The following MOXD1 variants were observed in gnomAD, a reference collection of about 807,000 sequenced individuals.
The protein encoded by MOXD1 is DBH-like monooxygenase protein 1.
In MOXD1, 62 loss-of-function variants were observed where a neutral mutation model predicts 66.6. The ratio of observed to expected loss-of-function variants is 0.93; its 90% CI spans 0.76 to 1.15. The LOEUF (loss-of-function observed/expected upper bound fraction) is 1.15. Ranked by LOEUF, MOXD1 falls within the 50% of genes most tolerant of loss-of-function variation. MOXD1 has a pLI of 0.00. For synonymous variants in MOXD1, 303 were observed against 281.9 expected (o/e 1.07, Z -0.75); for missense variants, 847 against 754.6 (o/e 1.12, Z -1.44).
At chr6:132,308,046 GA>G (rs532403340) in intron 10 of MOXD1, among the ~76,000 whole-genome samples, 5 of 143,776 alleles carry the variant, frequency 3.5e-5, no homozygotes, top group African/African-American at 1.0e-4. Flanking sequence ...ATAGAAACAG[GA>G]AAAACTCTCA....
At chr6:132,392,352 C>A (rs1455250182) in intron 1 of MOXD1, 4 of 1,542,798 alleles carry the variant, frequency 2.6e-6, no homozygotes, top group Non-Finnish European at 3.5e-6. Flanking sequence ...CGATTTATAC[C>A]CCCATAAGAA....
At chr6:132,298,081 A>C in intron 10 of MOXD1, 126 bp from the exon 11 acceptor site, 1 of 638,888 alleles carries the variant, frequency 1.6e-6, no homozygotes, top group Non-Finnish European at 2.4e-6. Context: ...CCTAATGCAA[A>C]ATGTTGATGA....
chr6:132,319,648 C>T (rs1181501024), intron 9 of MOXD1, among the ~76,000 whole-genome samples: 1 of 151,422 alleles, frequency 6.6e-6, no homozygotes, highest in Admixed American at 6.6e-5. Flanking sequence ...TCTTTCTGAT[C>T]CTTATATCTC....
At chr6:132,383,742 C>T (rs1164057695) in intron 1 of MOXD1, among the ~76,000 whole-genome samples, 2 of 152,160 alleles carry the variant, frequency 1.3e-5, no homozygotes, top group Non-Finnish European at 2.9e-5. Flanking sequence ...TACTACTTTG[C>T]CTTCATCCTA....
At chr6:132,355,783 C>T (rs1260842334) in intron 4 of MOXD1, among the ~76,000 whole-genome samples, 2 of 152,214 alleles carry the variant, frequency 1.3e-5, no homozygotes, top group Admixed American at 6.5e-5. Context: ...TAAACTATAA[C>T]ATGTGCTTCT....
intron 4 of MOXD1, among the ~76,000 whole-genome samples, chr6:132,344,071 AG>A (rs1775619732): frequency 6.6e-6 from 1 of 152,248 alleles, no homozygotes; most frequent in Non-Finnish European, 1.5e-5. Flanking sequence ...AGACAATTTC[AG>A]AAAAATACAA....
chr6:132,353,606 T>C (rs1775848759), intron 4 of MOXD1, among the ~76,000 whole-genome samples: 1 of 152,294 alleles, frequency 6.6e-6, no homozygotes. Context: ...CTTTCCTTCA[T>C]CTTAACTTCA....
rs1562290029 is a variant in MOXD1, at chr6:132,349,442, TATATATATAC to T, written c.664-20858_664-20849del. Among the ~76,000 whole-genome samples the T allele has an allele frequency of 1.0e-3, 72 of 69,948 alleles. 8 individuals carry two copies. Among genetic ancestry groups the T allele is most frequent in the Non-Finnish European group, 1.5e-3 (65 of 43,086 alleles). The allele number at this position is 69,948 out of a possible 152,430, so 45.9% of individuals were successfully genotyped here. On this transcript the variant is annotated intron_variant, in intron 4 of 11. Coordinates refer to ENST00000367963, the MANE Select transcript of MOXD1 (RefSeq NM_015529.4). ...ATATACATATATATATATACATATA[TATATATATAC>T]ATATATATATATACATATATATATA...
chr6:132,303,534 G>A (rs1412634670), intron 10 of MOXD1, among the ~76,000 whole-genome samples: 3 of 151,724 alleles, frequency 2.0e-5, no homozygotes, highest in Non-Finnish European at 2.9e-5. Flanking sequence ...CAATGTAAGT[G>A]CTATGTAGAT....
Position 132,368,397 on chromosome 6 carries a change from T to C in MOXD1, c.663+4211A>G, listed in dbSNP as rs542421453. On this transcript the variant is annotated intron_variant, in intron 4 of 11. Coordinates refer to ENST00000367963, the MANE Select transcript of MOXD1 (RefSeq NM_015529.4). ...CAGTTTAAATATAAATTACCAAGAATATTCTTTTCTACAATTTCCATATTC... is the reference window on the plus strand; with the variant it reads ...CAGTTTAAATATAAATTACCAAGAACATTCTTTTCTACAATTTCCATATTC... Among the ~76,000 whole-genome samples the C allele has an allele frequency of 4.0e-4, 61 of 152,168 alleles. 2 individuals are homozygous for C. The South Asian group carries it at 0.012, about 30-fold the overall frequency.
At chr6:132,346,780 T>C (rs1037017494) in intron 4 of MOXD1, among the ~76,000 whole-genome samples, 3 of 152,214 alleles carry the variant, frequency 2.0e-5, no homozygotes, top group African/African-American at 7.2e-5. Context: ...ATTAACTAGA[T>C]GCATAATCCA....
At chr6:132,394,097 G>T (rs1776823909) in intron 1 of MOXD1, among the ~76,000 whole-genome samples, 1 of 152,124 alleles carries the variant, frequency 6.6e-6, no homozygotes, top group South Asian at 2.1e-4. Context: ...CCACCACTGA[G>T]GCCCAAAGAC....
intron 1 of MOXD1, among the ~76,000 whole-genome samples, chr6:132,382,300 T>A (rs918050055): frequency 1.3e-5 from 2 of 152,212 alleles, no homozygotes. Flanking sequence ...AGATGTTTTT[T>A]AAAATGTAAA....
At chr6:132,360,452 A>G (rs1258352173) in intron 4 of MOXD1, among the ~76,000 whole-genome samples, 1 of 152,206 alleles carries the variant, frequency 6.6e-6, no homozygotes, top group Non-Finnish European at 1.5e-5. Flanking sequence ...GCTTAAGCAC[A>G]TCAACAGAGG....
intron 9 of MOXD1, among the ~76,000 whole-genome samples, chr6:132,316,984 T>A (rs935086322): frequency 1.3e-5 from 2 of 151,746 alleles, no homozygotes; most frequent in Admixed American, 6.6e-5. Context: ...CCTAGACACA[T>A]CACAGTCATA....
rs535258522 is a variant in MOXD1 at position 132,297,897 on chromosome 6, C to T, written c.1567G>A (p.Ala523Thr). The change falls in exon 11 of 12, where the codon GCT becomes ACT. Residue 523 changes from alanine to threonine, a missense_variant. Ala to Thr is a moderately conservative substitution (Grantham distance 58). Coordinates refer to ENST00000367963, the MANE Select transcript of MOXD1 (RefSeq NM_015529.4). ...TTAGTCCATTTAAACTTATTCATAG[C>T]ATCCATGAAAGAAAGGTTTTTATAT... is the stretch of plus-strand genomic sequence containing the variant. Reference protein sequence around the residue: ...KQYKNLSFMDAMNKFKWTKKE... With the variant: ...KQYKNLSFMDTMNKFKWTKKE... 6.2e-7 allele frequency: 1 copy of T among 1,613,098 alleles called. No individual in the cohort carries two copies. Among genetic ancestry groups the T allele is most frequent in the South Asian group, 1.1e-5 (1 of 90,956 alleles).
At chr6:132,321,218 C>T (rs1023776212) in intron 8 of MOXD1, among the ~76,000 whole-genome samples, 11 of 151,570 alleles carry the variant, frequency 7.3e-5, no homozygotes, top group African/African-American at 2.2e-4. Flanking sequence ...GAGCCGAGAT[C>T]GCACCACTGT....
chr6:132,399,187 T>C (rs1414376109), intron 1 of MOXD1, among the ~76,000 whole-genome samples: 1 of 152,158 alleles, frequency 6.6e-6, no homozygotes, highest in Non-Finnish European at 1.5e-5. Context: ...TCCATTTAAT[T>C]GAATAGCATA....
intron 10 of MOXD1, among the ~76,000 whole-genome samples, chr6:132,313,922 A>C (rs1774885256): frequency 6.6e-6 from 1 of 152,132 alleles, no homozygotes; most frequent in African/African-American, 2.4e-5. Flanking sequence ...TCTCAAAAAA[A>C]CAAAAACAAA....
Sources: gnomAD v4.1 joint callset for allele counts (sites outside exome capture counted in the v4.1 genomes callset) on GRCh38, gnomAD v4.1.1 for gene constraint, MANE v1.5 for transcripts, NCBI Gene and HGNC (gene_info 2026-07-23, HGNC 2026-07-21) for gene names.